Variants in CNBD1 observed in about 807,000 individuals in gnomAD.
The protein encoded by CNBD1 is cyclic nucleotide binding domain containing 1.
Under a neutral mutation model 54.4 loss-of-function variants are expected in CNBD1, and 71 were observed. The observed-to-expected ratio is 1.30, with a 90% CI of 1.08 to 1.59. The LOEUF (loss-of-function observed/expected upper bound fraction) is 1.59. Among genes scored for constraint, CNBD1 ranks in the 40% most tolerant of loss-of-function variants. The pLI is 0.00. For synonymous variants in CNBD1, 182 were observed against 170.7 expected (o/e 1.07, Z -0.51); for missense variants, 659 against 518.0 (o/e 1.27, Z -2.64).
intron 2 of CNBD1, among the ~76,000 whole-genome samples, chr8:87,413,520 T>C (rs1191936353): frequency 1.3e-5 from 2 of 152,116 alleles, no homozygotes; most frequent in East Asian, 1.9e-4. Flanking sequence ...GATATTATTA[T>C]ATTTACCAAG....
chr8:87,108,927 C>T (rs1205693504), intron 4 of CNBD1, among the ~76,000 whole-genome samples: 1 of 152,160 alleles, frequency 6.6e-6, no homozygotes. Flanking sequence ...TGTAGTCCTT[C>T]GTGAATAACA....
At chr8:87,078,235 G>C (rs1051788116) in intron 4 of CNBD1, among the ~76,000 whole-genome samples, 1 of 152,186 alleles carries the variant, frequency 6.6e-6, no homozygotes, top group Non-Finnish European at 1.5e-5. Context: ...TAGGTGGGCT[G>C]TCCACTATTT....
intron 2 of CNBD1, among the ~76,000 whole-genome samples, chr8:86,902,888 C>T (rs971607368): frequency 2.0e-5 from 3 of 151,980 alleles, no homozygotes; most frequent in African/African-American, 7.2e-5. Context: ...TTCTATATTC[C>T]ATATTTAGAT....
chr8:87,149,095 C>A (rs1812548339), intron 4 of CNBD1, among the ~76,000 whole-genome samples: 1 of 152,160 alleles, frequency 6.6e-6, no homozygotes, highest in Non-Finnish European at 1.5e-5. Flanking sequence ...AATACCTAGG[C>A]TCAGAAATCT....
chr8:87,359,854 T>C (rs955486675), intron 10 of CNBD1, among the ~76,000 whole-genome samples: 2 of 152,042 alleles, frequency 1.3e-5, no homozygotes, highest in Non-Finnish European at 2.9e-5. Context: ...ATAATTTAAA[T>C]TTGAGAAAGT....
intron 4 of CNBD1, among the ~76,000 whole-genome samples, chr8:86,985,679 T>G (rs1317343338): frequency 6.6e-6 from 1 of 152,178 alleles, no homozygotes; most frequent in South Asian, 2.1e-4. Flanking sequence ...ATGTGTCTTT[T>G]TGGTAGAATA....
At chr8:87,329,719 G>A (rs1351798849) in intron 8 of CNBD1, among the ~76,000 whole-genome samples, 1 of 151,762 alleles carries the variant, frequency 6.6e-6, no homozygotes, top group Non-Finnish European at 1.5e-5. Flanking sequence ...TAGTATATAG[G>A]GAAGAATTGA....
chr8:87,123,604 G>A (rs1811932335), intron 4 of CNBD1, among the ~76,000 whole-genome samples: 1 of 151,286 alleles, frequency 6.6e-6, no homozygotes, highest in South Asian at 2.1e-4. Flanking sequence ...TAAGCCTCAG[G>A]AAACTAGAAA....
At chr8:87,258,498 A>G (rs923662882) in intron 6 of CNBD1, among the ~76,000 whole-genome samples, 14 of 151,610 alleles carry the variant, frequency 9.2e-5, no homozygotes, top group African/African-American at 3.4e-4. Context: ...ATCTCGACTC[A>G]CTGCAACCAC....
chr8:86,898,064 T>C (rs1381610062), intron 2 of CNBD1, among the ~76,000 whole-genome samples: 2 of 152,150 alleles, frequency 1.3e-5, no homozygotes, highest in Admixed American at 1.3e-4. Context: ...TTTGTTCAAA[T>C]ATGGGCAGGT....
At chr8:86,932,055 T>C (rs1809466832) in intron 3 of CNBD1, among the ~76,000 whole-genome samples, 1 of 152,194 alleles carries the variant, frequency 6.6e-6, no homozygotes, top group Admixed American at 6.5e-5. Context: ...GTTTGTCCCT[T>C]TCTTTGGCTG....
chr8:86,970,065 T>C (rs1808186352), intron 4 of CNBD1, among the ~76,000 whole-genome samples: 1 of 152,124 alleles, frequency 6.6e-6, no homozygotes, highest in South Asian at 2.1e-4. Context: ...TTTTGCTGAA[T>C]ATAGAATTCT....
chr8:87,219,402 A>G (rs1814278742), intron 5 of CNBD1, among the ~76,000 whole-genome samples: 1 of 152,072 alleles, frequency 6.6e-6, no homozygotes, highest in South Asian at 2.1e-4. Context: ...GAGATGTGTA[A>G]AGTCTTACTG....
intron 4 of CNBD1, among the ~76,000 whole-genome samples, chr8:87,090,268 C>G (rs1234559860): frequency 6.6e-6 from 1 of 152,110 alleles, no homozygotes; most frequent in South Asian, 2.1e-4. Flanking sequence ...TTTGGTGATT[C>G]TCTAATATAT....
At position 87,305,185 on chromosome 8, in the gene CNBD1, G is replaced by T. The variant is rs115776350; in HGVS notation, c.1042+18514G>T. 3.9e-3 allele frequency among the ~76,000 whole-genome samples: 589 copies of T among 152,050 alleles called. 8 individuals are homozygous for T. Among genetic ancestry groups the T allele is most frequent in the African/African-American group, 0.013 (560 of 41,500 alleles). On this transcript the variant is annotated intron_variant, in intron 8 of 10. Transcript: ENST00000518476. Reference sequence around the variant, plus strand: ...CTGCAAAAAAAGAAAAAATACTTAAGAATATACCTAACCAAGAAGTTGAAA... The same window carrying T: ...CTGCAAAAAAAGAAAAAATACTTAATAATATACCTAACCAAGAAGTTGAAA...
chr8:87,362,110 T>C (rs529257325), intron 10 of CNBD1, among the ~76,000 whole-genome samples: 1 of 152,174 alleles, frequency 6.6e-6, no homozygotes, highest in South Asian at 2.1e-4. Context: ...TGACACTCTT[T>C]AGGTTACTTT....
Position 87,351,796 on chromosome 8 carries a change from T to C in CNBD1, c.1152+2T>C. 1.4e-6 allele frequency: 2 copies of C among 1,480,868 alleles called. No individual in the cohort carries two copies. Among genetic ancestry groups the C allele is most frequent in the East Asian group, 2.7e-5 (1 of 37,482 alleles). The allele number at this position is 1,480,868 out of a possible 1,614,324, so 91.7% of individuals were successfully genotyped here. A position where few individuals can be genotyped will look rare whatever the true frequency, so the allele number is the denominator to read the frequency against. On this transcript the variant is annotated splice_donor_variant, in intron 9 of 10. Coordinates refer to ENST00000518476, the MANE Select transcript of CNBD1 (RefSeq NM_173538.3). LOFTEE classifies it high-confidence loss of function. ...GTGAAACTACGATCAAATAAAGTGG[T>C]AAGTTTTCAACATGTATTCTTTTTA...
At chr8:86,998,489 C>T (rs761611610) in intron 4 of CNBD1, among the ~76,000 whole-genome samples, 6 of 152,128 alleles carry the variant, frequency 3.9e-5, no homozygotes, top group Non-Finnish European at 5.9e-5. Flanking sequence ...AAGAAGAAGG[C>T]ACAATGTTGT....
chr8:87,309,478 T>C (rs892108511), intron 8 of CNBD1, among the ~76,000 whole-genome samples: 2 of 152,190 alleles, frequency 1.3e-5, no homozygotes, highest in African/African-American at 4.8e-5. Flanking sequence ...TATTGCTTTG[T>C]GTATTTCTAT....
Sources: allele counts gnomAD v4.1 joint callset (sites outside exome capture counted in the v4.1 genomes callset), GRCh38; gene constraint gnomAD v4.1.1; transcripts MANE v1.5; gene names NCBI Gene and HGNC (gene_info 2026-07-23, HGNC 2026-07-21).